The following AMPD3 variants were observed in gnomAD, a reference collection of about 807,000 sequenced individuals.
AMPD3 encodes adenosine monophosphate deaminase 3.
Under a neutral mutation model 82.3 loss-of-function variants are expected in AMPD3, and 57 were observed. That is an observed-to-expected ratio of 0.69 (90% CI 0.56 to 0.86). The LOEUF (loss-of-function observed/expected upper bound fraction) is 0.86, where lower values mean the gene tolerates loss of function less well. Ranked by LOEUF, AMPD3 falls within the 40% of genes least tolerant of loss-of-function variation. The pLI is 0.00. For missense variants in AMPD3, 870 were observed against 1,003.8 expected (o/e 0.87, Z 1.80); for synonymous variants, 381 against 394.7 (o/e 0.97, Z 0.41).
At chr11:10,504,346 G>C (rs904895008) in intron 13 of AMPD3, 2 of 532,202 alleles carry the variant, frequency 3.8e-6, no homozygotes, top group Admixed American at 1.3e-4. Flanking sequence ...GTAGAGGCGT[G>C]ATTTTAGATC....
chr11:10,452,550 A>C (rs1248805383), upstream of AMPD3, among the ~76,000 whole-genome samples: 2 of 152,050 alleles, frequency 1.3e-5, no homozygotes, highest in African/African-American at 4.8e-5. Flanking sequence ...CTTCACATTT[A>C]AATATGTTTT....
intron 5 of AMPD3, 144 bp downstream of exon 5, chr11:10,485,183 C>T (rs1318467244): frequency 3.0e-5 from 23 of 766,082 alleles, no homozygotes; most frequent in Non-Finnish European, 4.8e-5. Flanking sequence ...TTCCTCAGTG[C>T]TTTGCGGGTT....
rs761610509 is a variant in AMPD3, at chr11:10,505,697, T to C, written c.2128-11T>C. On this transcript the variant is annotated splice_polypyrimidine_tract_variant and intron_variant, in intron 14 of 14. Transcript: ENST00000396553. ...GTATATAGTTTCATTTGTATTTCTC[T>C]TGGTCCACAGGAAAAGCAAAAGTTT... 6.2e-7 allele frequency: 1 copy of C among 1,613,074 alleles called. No individual in the cohort carries two copies. Among genetic ancestry groups the C allele is most frequent in the Non-Finnish European group, 8.5e-7 (1 of 1,179,998 alleles).
intron 6 of AMPD3, among the ~76,000 whole-genome samples, chr11:10,487,950 C>T (rs1849124166): frequency 6.6e-6 from 1 of 151,564 alleles, no homozygotes; most frequent in African/African-American, 2.4e-5. Flanking sequence ...ACATCCTGCA[C>T]ATGTATCCTG....
rs1849666550 is a variant in AMPD3, at chr11:10,504,630, A to G, written c.2098A>G (p.Ser700Gly). 1.2e-6 allele frequency: 2 copies of G among 1,614,234 alleles called. No homozygotes were observed. Among genetic ancestry groups the G allele is most frequent in the South Asian group, 1.1e-5 (1 of 91,086 alleles). ...TCDLCEIARNSVLQSGLSHQE... is the reference protein window; with the variant it reads ...TCDLCEIARNGVLQSGLSHQE... Reference sequence around the variant, plus strand: ...CGACCTGTGTGAGATCGCCAGGAACAGCGTGCTGCAGAGCGGCCTCTCGCA... The same window carrying G: ...CGACCTGTGTGAGATCGCCAGGAACGGCGTGCTGCAGAGCGGCCTCTCGCA... Residue 700 changes from serine to glycine, a missense_variant, in exon 14 of 15, where the codon AGC becomes GGC. Coordinates refer to ENST00000396553, the MANE Select transcript of AMPD3 (RefSeq NM_001025389.2).
intron 6 of AMPD3, 89 bp from the exon 7 acceptor site, chr11:10,493,260 G>T: frequency 4.1e-6 from 6 of 1,480,860 alleles, no homozygotes; most frequent in Non-Finnish European, 5.6e-6. Context: ...GAGGTGCTGG[G>T]GTTCTGTGCA....
intron 1 of AMPD3, chr11:10,460,889 G>A (rs778045185): frequency 3.0e-6 from 3 of 985,290 alleles, no homozygotes; most frequent in Non-Finnish European, 3.6e-6. Context: ...GAGGGAGTGA[G>A]TTTTCAGCTG....
chr11:10,476,413 C>T (rs1199291232), intron 2 of AMPD3, among the ~76,000 whole-genome samples: 1 of 151,782 alleles, frequency 6.6e-6, no homozygotes, highest in African/African-American at 2.4e-5. Flanking sequence ...ATTCCTAGGA[C>T]AAGCCTGGTA....
intron 2 of AMPD3, among the ~76,000 whole-genome samples, chr11:10,471,062 A>G (rs149958689): frequency 0.025 from 3,861 of 152,336 alleles, 66 homozygotes; most frequent in Middle Eastern, 0.092. Flanking sequence ...ACTTCAAACT[A>G]TACTACAAGG....
intron 7 of AMPD3, 56 bp downstream of exon 7, chr11:10,493,599 C>T (rs1241139478): frequency 6.3e-7 from 1 of 1,587,044 alleles, no homozygotes; most frequent in Non-Finnish European, 8.6e-7. Flanking sequence ...GCTGGGGACT[C>T]AGCCCCCTGG....
At chr11:10,486,462 C>G in intron 5 of AMPD3, 1 of 721,926 alleles carries the variant, frequency 1.4e-6, no homozygotes, top group South Asian at 6.2e-5. Flanking sequence ...CAGTTGGCCA[C>G]AGCAGTGAGC....
At chr11:10,500,943 T>C (rs1591486356) in intron 11 of AMPD3, 1 of 985,220 alleles carries the variant, frequency 1.0e-6, no homozygotes, top group East Asian at 1.1e-4. Context: ...TGCTAGTTGG[T>C]GGGTGTGGAG....
intron 4 of AMPD3, chr11:10,484,462 G>A: frequency 1.0e-6 from 1 of 985,346 alleles, no homozygotes; most frequent in African/African-American, 1.7e-5. Context: ...AATCTCTGAA[G>A]TGCCGAGGAA....
chr11:10,450,635 G>T (rs979253038), upstream of AMPD3: 36 of 999,578 alleles, frequency 3.6e-5, no homozygotes, highest in Non-Finnish European at 4.2e-5. Context: ...GAGCCCAGGA[G>T]GCGGCGGGTG....
At chr11:10,475,708 G>A in intron 2 of AMPD3, among the ~76,000 whole-genome samples, 1 of 152,184 alleles carries the variant, frequency 6.6e-6, no homozygotes, top group Non-Finnish European at 1.5e-5. Flanking sequence ...AGCTTTCTGA[G>A]TGTAGGAGGG....
intron 10 of AMPD3, among the ~76,000 whole-genome samples, chr11:10,497,312 A>G (rs1376684915): frequency 2.0e-5 from 3 of 152,094 alleles, no homozygotes; most frequent in Non-Finnish European, 2.9e-5. Context: ...CGGAAATGCA[A>G]ACACTTCAAT....
chr11:10,495,385 A>T (rs1849363253), intron 8 of AMPD3, 185 bp from the exon 9 acceptor site: 1 of 984,654 alleles, frequency 1.0e-6, no homozygotes, highest in African/African-American at 1.7e-5. Context: ...TCCTCACCAG[A>T]GGGGGCCTCT....
Position 10,499,853 on chromosome 11 carries a change from G to A in AMPD3, c.1558-233G>A, listed in dbSNP as rs987119556. On this transcript the variant is annotated intron_variant, in intron 10 of 14. Coordinates refer to ENST00000396553, the MANE Select transcript of AMPD3 (RefSeq NM_001025389.2). ...CCACACAGGGGCTTGGCACTCTCCTGTCTCACCTCCAGAGTACCTATGGAA... is the reference window on the plus strand; with the variant it reads ...CCACACAGGGGCTTGGCACTCTCCTATCTCACCTCCAGAGTACCTATGGAA... 3 of 985,292 alleles carry A rather than the reference G, an allele frequency of 3.0e-6. No individual in the cohort carries two copies. The African/African-American group carries it at 5.2e-5, about 17-fold the overall frequency. 61.0% of individuals were successfully genotyped at this position (985,292 alleles called of 1,614,324 possible).
At position 10,506,030 on chromosome 11, in the gene AMPD3, C is replaced by T; in HGVS notation, c.*146C>T. ...TAAACTGGTGATTTTGGTTGCACTG[C>T]TCACTTTAAGAGTTAACATGCTCAC... On this transcript the variant is annotated 3_prime_UTR_variant, in exon 15 of 15. Coordinates refer to ENST00000396553, the MANE Select transcript of AMPD3 (RefSeq NM_001025389.2). This position sits in a 1 kb window ranked among gnomAD's most constrained non-coding sequence, Gnocchi z 4.1. The T allele has an allele frequency of 1.2e-6, 1 of 867,502 alleles. No homozygotes were observed. The highest frequency in any genetic ancestry group is 1.9e-6 in the Non-Finnish European group (1 of 534,944). The allele number at this position is 867,502 out of a possible 1,614,324, so 53.7% of individuals were successfully genotyped here. A position where few individuals can be genotyped will look rare whatever the true frequency, so the allele number is the denominator to read the frequency against.
Sources: allele counts gnomAD v4.1 joint callset (sites outside exome capture counted in the v4.1 genomes callset), GRCh38; gene constraint gnomAD v4.1.1; non-coding constraint Gnocchi (gnomAD v3.1); transcripts MANE v1.5; gene names NCBI Gene and HGNC (gene_info 2026-07-23, HGNC 2026-07-21).